The following PLCXD2 variants were observed in gnomAD, a reference collection of about 807,000 sequenced individuals.
PLCXD2 encodes the protein PI-PLC X domain-containing protein 2.
Under a neutral mutation model 28.6 loss-of-function variants are expected in PLCXD2, and 21 were observed. That is an observed-to-expected ratio of 0.73 (90% CI 0.52 to 1.06). The LOEUF (loss-of-function observed/expected upper bound fraction) is 1.06, where lower values mean the gene tolerates loss of function less well. Among genes scored for constraint, PLCXD2 ranks in the 50% least tolerant of loss-of-function variants. The probability of loss-of-function intolerance (pLI) is 0.00; values close to 1 mark genes in which losing one functional copy is unlikely to be tolerated. For missense variants in PLCXD2, 369 were observed against 376.7 expected (o/e 0.98, Z 0.17); for synonymous variants, 140 against 150.1 (o/e 0.93, Z 0.49).
intron 1 of PLCXD2, among the ~76,000 whole-genome samples, chr3:111,683,875 T>A (rs1333223932): frequency 6.6e-6 from 1 of 152,196 alleles, no homozygotes; most frequent in East Asian, 1.9e-4. Context: ...CAGGATAAGA[T>A]AAACACAGTA....
At chr3:111,693,226 G>A (rs930015165) in intron 1 of PLCXD2, among the ~76,000 whole-genome samples, 1 of 152,068 alleles carries the variant, frequency 6.6e-6, no homozygotes, top group African/African-American at 2.4e-5. Context: ...GAGCCCCAGG[G>A]GCTTGCTTAC....
At chr3:111,680,762 T>C (rs77385514) in intron 1 of PLCXD2, among the ~76,000 whole-genome samples, 16,470 of 152,194 alleles carry the variant, frequency 0.11, 1,034 homozygotes, top group Non-Finnish European at 0.14. Context: ...TAAATACTGA[T>C]TCTGCCCTTT....
chr3:111,714,148 C>G lies in PLCXD2; in HGVS notation c.866+20C>G. The G allele has an allele frequency of 6.2e-7, 1 of 1,606,976 alleles. No homozygotes were observed. Among genetic ancestry groups the G allele is most frequent in the Non-Finnish European group, 8.5e-7 (1 of 1,176,326 alleles). ...TCATAGGTAAGAATTTGCTTCCACCCCACAAGGAAAGCTTTTTAAAAAATA... is the reference window on the plus strand; with the variant it reads ...TCATAGGTAAGAATTTGCTTCCACCGCACAAGGAAAGCTTTTTAAAAAATA... On this transcript the variant is annotated intron_variant, in intron 3 of 4. Transcript: ENST00000477665.
chr3:111,709,555 G>A (rs1434986243), intron 2 of PLCXD2, among the ~76,000 whole-genome samples: 1 of 152,116 alleles, frequency 6.6e-6, no homozygotes, highest in African/African-American at 2.4e-5. Context: ...ATGGTGAGAG[G>A]GAACCAGGAT....
intron 1 of PLCXD2, among the ~76,000 whole-genome samples, chr3:111,697,176 C>G (rs892507149): frequency 6.6e-5 from 10 of 152,002 alleles, no homozygotes; most frequent in Admixed American, 3.3e-4. Flanking sequence ...TAAAAAAATC[C>G]CATCGTGTGA....
At chr3:111,719,550 C>T (rs1194130177) in intron 3 of PLCXD2, among the ~76,000 whole-genome samples, 4 of 152,190 alleles carry the variant, frequency 2.6e-5, no homozygotes, top group Non-Finnish European at 4.4e-5. Context: ...ATGGAATTCT[C>T]TTCATTGATT....
At chr3:111,719,345 G>C (rs1044303259) in intron 3 of PLCXD2, among the ~76,000 whole-genome samples, 1 of 152,126 alleles carries the variant, frequency 6.6e-6, no homozygotes, top group African/African-American at 2.4e-5. Flanking sequence ...AAATATATCT[G>C]ACAGAAGACC....
At chr3:111,701,426 A>C (rs1018161845) in intron 1 of PLCXD2, among the ~76,000 whole-genome samples, 1 of 152,196 alleles carries the variant, frequency 6.6e-6, no homozygotes, top group Admixed American at 6.5e-5. Context: ...GGGCCTGCCT[A>C]TCTGTGTATG....
At chr3:111,686,182 T>A (rs1048068244) in intron 1 of PLCXD2, among the ~76,000 whole-genome samples, 1 of 152,206 alleles carries the variant, frequency 6.6e-6, no homozygotes, top group African/African-American at 2.4e-5. Context: ...AAGTACCCTG[T>A]AAACCTCTGA....
Position 111,714,031 on chromosome 3 carries a change from CG to C in PLCXD2, c.773del (p.Gly258AlafsTer14). On this transcript the variant is annotated frameshift_variant, in exon 3 of 5. Coordinates refer to ENST00000477665, the MANE Select transcript of PLCXD2 (RefSeq NM_001185106.1). LOFTEE classifies it high-confidence loss of function. ...GACCACTCTGAGTGAGCGGGCCTCACGGGGCTCCTTCCATGTCTCCCAAGCG... is the reference window on the plus strand; with the variant it reads ...GACCACTCTGAGTGAGCGGGCCTCACGGGCTCCTTCCATGTCTCCCAAGCG... 1 of 1,614,128 alleles carries C rather than the reference CG, an allele frequency of 6.2e-7. No homozygotes were observed. Among genetic ancestry groups the C allele is most frequent in the East Asian group, 2.2e-5 (1 of 44,874 alleles).
chr3:111,682,161 C>G (rs769800318), intron 1 of PLCXD2, among the ~76,000 whole-genome samples: 98 of 152,206 alleles, frequency 6.4e-4, no homozygotes, highest in Non-Finnish European at 1.1e-3. Context: ...CTTCCACCTT[C>G]TCTCTTGTGT....
Position 111,675,268 on chromosome 3 carries a change from G to C in PLCXD2, c.23G>C (p.Arg8Thr), listed in dbSNP as rs1160828340. 1 of 1,614,114 alleles carries C rather than the reference G, an allele frequency of 6.2e-7. No individual in the cohort carries two copies. Among genetic ancestry groups the C allele is most frequent in the Non-Finnish European group, 8.5e-7 (1 of 1,179,990 alleles). Residue 8 changes from arginine (R) to threonine (T), a missense_variant, in exon 1 of 5, where the codon AGG becomes ACG. Transcript: ENST00000477665. The stretch of plus-strand genomic sequence containing the variant: ...GGGATGCTAGCAGTTAGGAAGGCCA[G>C]GAGGAAACTCAGGATGGGGACCATC...
intron 2 of PLCXD2, among the ~76,000 whole-genome samples, chr3:111,710,920 T>C (rs911700300): frequency 7.2e-5 from 11 of 152,202 alleles, no homozygotes; most frequent in African/African-American, 2.4e-4. Flanking sequence ...TTTCTAACAG[T>C]AGAGTGATGA....
intron 1 of PLCXD2, among the ~76,000 whole-genome samples, chr3:111,707,437 T>C (rs1941136730): frequency 1.3e-5 from 2 of 152,354 alleles, no homozygotes; most frequent in Admixed American, 6.5e-5. Context: ...GTTTCAATGA[T>C]GGCATGAATA....
intron 1 of PLCXD2, among the ~76,000 whole-genome samples, chr3:111,707,361 C>T (rs1335487968): frequency 6.6e-6 from 1 of 152,098 alleles, no homozygotes; most frequent in African/African-American, 2.4e-5. Context: ...TGAAATCCTG[C>T]CTTTCCTAGA....
intron 3 of PLCXD2, chr3:111,722,147 G>A (rs1370154568): frequency 6.6e-6 from 1 of 151,246 alleles, no homozygotes; most frequent in African/African-American, 2.4e-5. Flanking sequence ...TTATCGATAA[G>A]AGGTGCTTAT....
intron 1 of PLCXD2, among the ~76,000 whole-genome samples, chr3:111,695,302 G>A (rs1448732539): frequency 2.6e-5 from 4 of 151,964 alleles, no homozygotes; most frequent in Non-Finnish European, 4.4e-5. Context: ...ATGTTCCAAG[G>A]CTCCCAATGG....
chr3:111,723,475 C>A (rs1428400355), intron 3 of PLCXD2: 1 of 152,184 alleles, frequency 6.6e-6, no homozygotes, highest in African/African-American at 2.4e-5. Context: ...AAAACTGTAC[C>A]AAGGTTGCAT....
chr3:111,690,608 C>T (rs1044721560), intron 1 of PLCXD2, among the ~76,000 whole-genome samples: 1 of 152,170 alleles, frequency 6.6e-6, no homozygotes, highest in Non-Finnish European at 1.5e-5. Context: ...TCACTTTCCC[C>T]GTTGGGTGTA....
Sources: gnomAD v4.1 joint callset for allele counts (sites outside exome capture counted in the v4.1 genomes callset) on GRCh38, gnomAD v4.1.1 for gene constraint, MANE v1.5 for transcripts, NCBI Gene and HGNC (gene_info 2026-07-23, HGNC 2026-07-21) for gene names.